Variants in DNAJC3 observed in about 807,000 individuals in gnomAD.
DNAJC3 encodes the protein dnaJ homolog subfamily C member 3.
Under a neutral mutation model 68.6 loss-of-function variants are expected in DNAJC3, and 38 were observed. The ratio of observed to expected loss-of-function variants is 0.55; its 90% CI spans 0.43 to 0.73. The LOEUF (loss-of-function observed/expected upper bound fraction) is 0.73, where lower values mean the gene tolerates loss of function less well. Ranked by LOEUF, DNAJC3 falls within the 30% of genes least tolerant of loss-of-function variation. DNAJC3 has a pLI of 0.00. For synonymous variants in DNAJC3, 203 were observed against 204.0 expected, an observed-to-expected ratio of 1.00 and a Z score of 0.04; for missense variants, 526 against 591.9, an observed-to-expected ratio of 0.89 and a Z score of 1.16.
At chr13:95,725,831 C>A (rs1343080693) in intron 4 of DNAJC3, among the ~76,000 whole-genome samples, 2 of 118,492 alleles carry the variant, frequency 1.7e-5, no homozygotes, top group African/African-American at 3.2e-5. Flanking sequence ...CCCCTCCCCC[C>A]ACCCCACAAC....
intron 4 of DNAJC3, chr13:95,745,225 GTTAAA>G (rs1253792209): frequency 5.3e-5 from 8 of 152,198 alleles, no homozygotes; most frequent in Admixed American, 3.3e-4. Context: ...TTTTATGTCT[GTTAAA>G]TTAATATGAT....
intron 1 of DNAJC3, among the ~76,000 whole-genome samples, chr13:95,689,048 CT>C (rs955899476): frequency 6.7e-6 from 1 of 148,702 alleles, no homozygotes; most frequent in Non-Finnish European, 1.5e-5. Context: ...CTGTGGTTTC[CT>C]TTTTTTGGTT....
intron 1 of DNAJC3, among the ~76,000 whole-genome samples, chr13:95,701,942 A>T (rs1880596151): frequency 6.6e-6 from 1 of 152,140 alleles, no homozygotes. Context: ...TCATCCCTAT[A>T]CCCATCATCT....
At chr13:95,687,329 G>A (rs1369090983) in intron 1 of DNAJC3, among the ~76,000 whole-genome samples, 1 of 152,110 alleles carries the variant, frequency 6.6e-6, no homozygotes. Context: ...GACATAATTT[G>A]ACCTCCTCTT....
At chr13:95,740,532 C>T (rs540672831) in intron 4 of DNAJC3, among the ~76,000 whole-genome samples, 21 of 150,954 alleles carry the variant, frequency 1.4e-4, no homozygotes, top group Admixed American at 3.3e-4. Context: ...TTTTTAAGCC[C>T]GTCGGAAAAG....
intron 4 of DNAJC3, among the ~76,000 whole-genome samples, chr13:95,746,969 T>C (rs1350905282): frequency 6.6e-6 from 1 of 152,212 alleles, no homozygotes; most frequent in Admixed American, 6.5e-5. Context: ...AATCTATTCT[T>C]GGTCTTCATT....
intron 1 of DNAJC3, among the ~76,000 whole-genome samples, chr13:95,703,739 T>TC (rs1267265797): frequency 6.6e-6 from 1 of 152,090 alleles, no homozygotes; most frequent in Non-Finnish European, 1.5e-5. Flanking sequence ...CTGTAACTGG[T>TC]CTGAGGTGGT....
chr13:95,733,399 T>C (rs554674874), intron 4 of DNAJC3, among the ~76,000 whole-genome samples: 1 of 152,204 alleles, frequency 6.6e-6, no homozygotes, highest in Non-Finnish European at 1.5e-5. Context: ...TTTTGTCTTT[T>C]TGTTTTTTGT....
At chr13:95,763,564 G>GGT (rs1271576473) in intron 7 of DNAJC3, 79 bp from the exon 8 acceptor site, 2 of 1,354,696 alleles carry the variant, frequency 1.5e-6, no homozygotes, top group Non-Finnish European at 2.0e-6. Context: ...AGCAACACAT[G>GGT]GTGAAGAGGG....
chr13:95,725,166 C>T lies in DNAJC3; in HGVS notation c.319-12C>T. ...AATATTCAAGATAATCCTCTGCCCC[C>T]TTTTTTTCTAGGCAAGATTACAGAG... On this transcript the variant is annotated splice_polypyrimidine_tract_variant and intron_variant, in intron 3 of 11. Coordinates refer to ENST00000602402, the MANE Select transcript of DNAJC3 (RefSeq NM_006260.5). The T allele has an allele frequency of 6.5e-7, 1 of 1,548,514 alleles. No individual in the cohort carries two copies. Among genetic ancestry groups the T allele is most frequent in the Non-Finnish European group, 8.7e-7 (1 of 1,152,472 alleles).
chr13:95,785,455 T>TC (rs1883571276), intron 9 of DNAJC3, among the ~76,000 whole-genome samples: 1 of 95,910 alleles, frequency 1.0e-5, no homozygotes, highest in East Asian at 2.4e-4. Context: ...TTTAAACCTT[T>TC]TTTTTTTTTT....
At chr13:95,757,329 A>T (rs1355203063) in intron 4 of DNAJC3, among the ~76,000 whole-genome samples, 1 of 152,208 alleles carries the variant, frequency 6.6e-6, no homozygotes, top group Admixed American at 6.5e-5. Flanking sequence ...TATATGTAAG[A>T]AAGTGAAAAA....
intron 1 of DNAJC3, among the ~76,000 whole-genome samples, chr13:95,702,674 C>G (rs1314779247): frequency 6.6e-6 from 1 of 152,180 alleles, no homozygotes; most frequent in Non-Finnish European, 1.5e-5. Flanking sequence ...AATCTGCTGA[C>G]ACCTTGATCT....
chr13:95,702,487 C>T (rs148551889), intron 1 of DNAJC3, among the ~76,000 whole-genome samples: 7 of 152,316 alleles, frequency 4.6e-5, no homozygotes, highest in Non-Finnish European at 8.8e-5. Context: ...TATGTTGAAA[C>T]CTAATCTGAT....
intron 4 of DNAJC3, among the ~76,000 whole-genome samples, chr13:95,740,355 G>A (rs1230380496): frequency 0.016 from 2,362 of 151,764 alleles, 25 homozygotes; most frequent in Middle Eastern, 0.041. Context: ...GGAGCTTCCC[G>A]GCTGCTTTGT....
intron 2 of DNAJC3, among the ~76,000 whole-genome samples, chr13:95,722,742 C>T (rs941183823): frequency 1.5e-5 from 2 of 129,406 alleles, no homozygotes; most frequent in East Asian, 2.5e-4. Flanking sequence ...ATTGCTTGAG[C>T]GTGGGAGGTC....
At chr13:95,695,043 G>A (rs965311679) in intron 1 of DNAJC3, 8 of 152,192 alleles carry the variant, frequency 5.3e-5, no homozygotes, top group Admixed American at 2.6e-4. Context: ...ATATTGGAAC[G>A]GATCTTGTTC....
At chr13:95,709,627 A>AGT (rs1880884236) in intron 2 of DNAJC3, among the ~76,000 whole-genome samples, 5 of 136,098 alleles carry the variant, frequency 3.7e-5, no homozygotes, top group Admixed American at 7.2e-5. Context: ...TTGGCTTCTG[A>AGT]CTTTTTTTTT....
At chr13:95,678,300 C>T (rs1879821357) in intron 1 of DNAJC3, among the ~76,000 whole-genome samples, 3 of 152,120 alleles carry the variant, frequency 2.0e-5, no homozygotes, top group African/African-American at 7.2e-5. Context: ...TTGAGTATTC[C>T]ATTCAAAGGG....
Sources: gnomAD v4.1 joint callset for allele counts (sites outside exome capture counted in the v4.1 genomes callset) on GRCh38, gnomAD v4.1.1 for gene constraint, MANE v1.5 for transcripts, NCBI Gene and HGNC (gene_info 2026-07-23, HGNC 2026-07-21) for gene names.